PPM1L: variants seen among roughly 807,000 people sequenced by gnomAD.
PPM1L encodes protein phosphatase, Mg2+/Mn2+ dependent 1L.
In PPM1L, 13 loss-of-function variants were observed where a neutral mutation model predicts 31.4. The observed-to-expected ratio is 0.41, with a 90% confidence interval of 0.27 to 0.66. PPM1L has a LOEUF of 0.66. PPM1L is among the 30% of genes least tolerant of loss of function. The pLI is 0.29. For synonymous variants in PPM1L, 184 were observed against 175.4 expected, an observed-to-expected ratio of 1.05 and a Z score of -0.39; for missense variants, 326 against 453.7, an observed-to-expected ratio of 0.72 and a Z score of 2.56.
At chr3:160,768,946 A>G (rs1348228919) in intron 1 of PPM1L, among the ~76,000 whole-genome samples, 2 of 152,212 alleles carry the variant, frequency 1.3e-5, no homozygotes, top group African/African-American at 2.4e-5. Flanking sequence ...TGCTGCAGCC[A>G]TCTTTGTATA....
chr3:161,068,919 C>T lies in PPM1L; in HGVS notation c.845C>T (p.Pro282Leu). Reference sequence around the variant, plus strand: ...AATCTCAACGTGGTCATCCCAGACCCAGACATCCTGACCTTTGACCTGGAC... The same window carrying T: ...AATCTCAACGTGGTCATCCCAGACCTAGACATCCTGACCTTTGACCTGGAC... The part of the protein sequence containing the change: ...LKNLNVVIPD[P>L]DILTFDLDKL... Residue 282 changes from proline to leucine, a missense_variant, in exon 4 of 4, where the codon CCA (proline) becomes CTA (leucine). By Grantham distance (98) the Pro-to-Leu change is moderately conservative. Around this residue, in one of 3 missense-constraint regions of PPM1L, gnomAD observed 201 missense variants for 298.2 expected, o/e 0.67. Coordinates refer to ENST00000498165, the MANE Select transcript of PPM1L (RefSeq NM_139245.4). The T allele has an allele frequency of 6.2e-7, 1 of 1,614,192 alleles. No individual in the cohort carries two copies. The highest frequency in any genetic ancestry group is 8.5e-7 in the Non-Finnish European group (1 of 1,180,024).
chr3:160,903,194 G>GTGTGTGTGTGTGT (rs1553819647), intron 1 of PPM1L, among the ~76,000 whole-genome samples: 6,106 of 95,354 alleles, frequency 0.064, 225 homozygotes, highest in Middle Eastern at 0.08. Flanking sequence ...TGTGTGTGTG[G>GTGTGTGTGTGTGT]TATGTGTGTA....
At chr3:160,761,122 A>G (rs1160705978) in intron 1 of PPM1L, among the ~76,000 whole-genome samples, 3 of 152,212 alleles carry the variant, frequency 2.0e-5, no homozygotes, top group Non-Finnish European at 2.9e-5. Context: ...AACTACAGAC[A>G]TATTCCCCAG....
chr3:160,936,483 G>C (rs964579683), intron 1 of PPM1L, among the ~76,000 whole-genome samples: 1 of 152,174 alleles, frequency 6.6e-6, no homozygotes, highest in African/African-American at 2.4e-5. Context: ...AAGAATGTAT[G>C]CAACAGCTTC....
intron 2 of PPM1L, among the ~76,000 whole-genome samples, chr3:160,994,780 T>C (rs1259341246): frequency 6.6e-6 from 1 of 152,130 alleles, no homozygotes; most frequent in Non-Finnish European, 1.5e-5. Context: ...GGGTGCCAGA[T>C]GATGCTAAGC....
In PPM1L at chr3:161,069,742, G is replaced by A. The variant is rs1719852228; in HGVS notation, c.*585G>A. 1 of 153,432 alleles carries A rather than the reference G, an allele frequency of 6.5e-6. No individual in the cohort carries two copies. Among genetic ancestry groups the A allele is most frequent in the African/African-American group, 2.4e-5 (1 of 41,474 alleles). 9.5% of individuals were successfully genotyped at this position (153,432 alleles called of 1,614,324 possible). On this transcript the variant is annotated 3_prime_UTR_variant, in exon 4 of 4. Transcript: ENST00000498165. ...TTTTGGCTGCTCTTGGGGACTGCGAGAAGCAGAGAGAATGAGAGACCAGTG... is the reference window on the plus strand; with the variant it reads ...TTTTGGCTGCTCTTGGGGACTGCGAAAAGCAGAGAGAATGAGAGACCAGTG...
intron 1 of PPM1L, among the ~76,000 whole-genome samples, chr3:160,861,226 G>A (rs1711877480): frequency 6.6e-6 from 1 of 152,178 alleles, no homozygotes; most frequent in Admixed American, 6.5e-5. Context: ...GAGTACAATG[G>A]AAGTTGTATA....
intron 1 of PPM1L, among the ~76,000 whole-genome samples, chr3:160,767,934 A>C (rs747031343): frequency 5.3e-5 from 8 of 152,144 alleles, no homozygotes; most frequent in Non-Finnish European, 1.2e-4. Flanking sequence ...TAAATTAGTC[A>C]CTGGATATTT....
intron 1 of PPM1L, among the ~76,000 whole-genome samples, chr3:160,848,544 A>C (rs1714154096): frequency 6.6e-6 from 1 of 152,098 alleles, no homozygotes. Flanking sequence ...GCTGCTTCTT[A>C]AGTGTTTGTT....
At chr3:161,022,657 C>CTTTTTTT (rs71147399) in intron 2 of PPM1L, among the ~76,000 whole-genome samples, 13 of 93,720 alleles carry the variant, frequency 1.4e-4, no homozygotes, top group Non-Finnish European at 2.1e-4. Context: ...ATTTCTCCTT[C>CTTTTTTT]TTTTTTTTTT....
chr3:160,903,195 T>TGTGTGTGTGTGTGTGTGTG (rs1347225743), intron 1 of PPM1L, among the ~76,000 whole-genome samples: 1 of 37,914 alleles, frequency 2.6e-5, no homozygotes, highest in African/African-American at 1.0e-4. Flanking sequence ...GTGTGTGTGG[T>TGTGTGTGTGTGTGTGTGTG]ATGTGTGTAT....
At chr3:160,949,491 A>G (rs1329964972) in intron 1 of PPM1L, among the ~76,000 whole-genome samples, 1 of 152,178 alleles carries the variant, frequency 6.6e-6, no homozygotes, top group East Asian at 1.9e-4. Context: ...TCTGACATTT[A>G]TATGATTTAT....
chr3:160,776,634 C>T (rs1711564000), intron 1 of PPM1L, among the ~76,000 whole-genome samples: 1 of 146,292 alleles, frequency 6.8e-6, no homozygotes, highest in Non-Finnish European at 1.5e-5. Flanking sequence ...GACAGAGTCT[C>T]ACTCAGTCGC....
intron 1 of PPM1L, among the ~76,000 whole-genome samples, chr3:160,859,592 G>T (rs937892033): frequency 6.6e-6 from 1 of 152,054 alleles, no homozygotes; most frequent in Admixed American, 6.5e-5. Context: ...CCCACCCCTG[G>T]TCTAGCTGTA....
At chr3:161,061,806 A>T (rs12488621) in intron 2 of PPM1L, among the ~76,000 whole-genome samples, 31,793 of 152,072 alleles carry the variant, frequency 0.21, 3,488 homozygotes, top group East Asian at 0.28. Context: ...CTGTGTAGCT[A>T]AACAGCCACA....
At position 160,944,833 on chromosome 3, in the gene PPM1L, T is replaced by TATATA. The variant is rs1216107906; in HGVS notation, c.400-16902_400-16898dup. On this transcript the variant is annotated intron_variant, in intron 1 of 3. Transcript: ENST00000498165. ...TAACATATATATGTTATATATAACATATATATGTTATATATAACATATATT... is the reference window on the plus strand; with the variant it reads ...TAACATATATATGTTATATATAACATATATAATATATGTTATATATAACATATATT... Among the ~76,000 whole-genome samples, 48 of 13,284 alleles carry TATATA rather than the reference T, an allele frequency of 3.6e-3. 2 individuals are homozygous for TATATA. Among genetic ancestry groups the TATATA allele is most frequent in the African/African-American group, 6.5e-3 (38 of 5,824 alleles). 8.7% of individuals were successfully genotyped at this position (13,284 alleles called of 152,430 possible).
rs1719845912 is a variant in PPM1L at position 161,069,513 on chromosome 3, T to C, written c.*356T>C. Reference sequence around the variant, plus strand: ...TTCAGGGTCCTCCAGGCATCAGCTGTTGTGTCCTCTCTTTGTAACAGTGGA... The same window carrying C: ...TTCAGGGTCCTCCAGGCATCAGCTGCTGTGTCCTCTCTTTGTAACAGTGGA... On this transcript the variant is annotated 3_prime_UTR_variant, in exon 4 of 4. Coordinates refer to ENST00000498165, the MANE Select transcript of PPM1L (RefSeq NM_139245.4). The C allele has an allele frequency of 7.7e-6, 2 of 258,230 alleles. No individual in the cohort carries two copies. The highest frequency in any genetic ancestry group is 1.5e-5 in the Non-Finnish European group (2 of 132,878). The allele number at this position is 258,230 out of a possible 1,614,324, so 16.0% of individuals were successfully genotyped here. A position where few individuals can be genotyped will look rare whatever the true frequency, so the allele number is the denominator to read the frequency against.
chr3:160,858,234 A>G (rs559360965), intron 1 of PPM1L, among the ~76,000 whole-genome samples: 1 of 152,142 alleles, frequency 6.6e-6, no homozygotes, highest in African/African-American at 2.4e-5. Flanking sequence ...AAGTTATTTA[A>G]AATTTCTCTT....
At chr3:160,849,546 G>A (rs902060428) in intron 1 of PPM1L, among the ~76,000 whole-genome samples, 6 of 151,402 alleles carry the variant, frequency 4.0e-5, no homozygotes, top group Admixed American at 1.3e-4. Flanking sequence ...TCAGCCTCCC[G>A]AGTAGCTGGG....
Sources: allele counts gnomAD v4.1 joint callset (sites outside exome capture counted in the v4.1 genomes callset), GRCh38; gene constraint gnomAD v4.1.1; regional missense constraint gnomAD v4.1.1; transcripts MANE v1.5; gene names NCBI Gene and HGNC (gene_info 2026-07-23, HGNC 2026-07-21).